The following SERHL2 variants were observed in gnomAD, a reference collection of about 807,000 sequenced individuals.
SERHL2 encodes the protein serine hydrolase-like protein 2.
Under a neutral mutation model 25.5 loss-of-function variants are expected in SERHL2, and 29 were observed. The observed-to-expected ratio is 1.14, with a 90% CI of 0.85 to 1.55. SERHL2 has a LOEUF of 1.55. SERHL2 is among the 40% of genes most tolerant of loss of function. SERHL2 has a pLI of 0.00. For missense variants in SERHL2, 240 were observed against 252.3 expected (o/e 0.95, Z 0.33); for synonymous variants, 95 against 103.5 (o/e 0.92, Z 0.50).
rs561904146 is a variant in SERHL2, at chr22:42,572,446, G to A, written c.742G>A (p.Gly248Arg). ...CTCCTCACTTTCCAGAGCAGTCCAC[G>A]GATATTTTGATTCAAGACAGAATTA... The part of the protein sequence containing the change: ...AHVLLIKAVH[G>R]YFDSRQNYSE... Residue 248 changes from glycine to arginine, a missense_variant, in exon 11 of 12, where the codon GGA (glycine) becomes AGA (arginine). This residue lies in a region of SERHL2 where 212 missense variants were observed against 168.9 expected (regional missense o/e 1.25). Coordinates refer to ENST00000327678, the MANE Select transcript of SERHL2 (RefSeq NM_014509.5). 52 of 1,610,114 alleles carry A rather than the reference G, an allele frequency of 3.2e-5. No individual in the cohort carries two copies. The highest frequency in any genetic ancestry group is 1.7e-4 in the Middle Eastern group (1 of 6,054).
chr22:42,573,866 A>G lies in SERHL2; in HGVS notation c.826-70A>G, dbSNP rs552266342. 8.7e-6 allele frequency: 13 copies of G among 1,496,242 alleles called. No homozygotes were observed. The East Asian group carries it at 3.0e-4, about 35-fold the overall frequency. The allele number at this position is 1,496,242 out of a possible 1,614,324, so 92.7% of individuals were successfully genotyped here. ...GCTGGAATGCTGTGGGAGGGCCCTG[A>G]CCCCGGGGCCCATGGAGCTCCCTAG... On this transcript the variant is annotated intron_variant, in intron 11 of 11. Transcript: ENST00000327678.
rs1476636791 is a variant in SERHL2, at chr22:42,568,463, G to A, written c.648+2125G>A. ...TTATTGCCAGATCCTAGTCAATCTG[G>A]CTTTTGGAGATGCCCCCTTCCCTGT... On this transcript the variant is annotated intron_variant, in intron 9 of 11. Transcript: ENST00000327678. 3.6e-4 allele frequency among the ~76,000 whole-genome samples: 54 copies of A among 151,888 alleles called. 1 individual carries two copies. Among genetic ancestry groups the A allele is most frequent in the East Asian group, 1.2e-3 (6 of 5,188 alleles).
chr22:42,563,061 G>A (rs570002448), intron 8 of SERHL2, among the ~76,000 whole-genome samples: 1 of 152,010 alleles, frequency 6.6e-6, no homozygotes, highest in Admixed American at 6.5e-5. Flanking sequence ...ACGGCATGGT[G>A]GCACACCTGT....
chr22:42,566,470 A>G (rs954054470), intron 9 of SERHL2, 132 bp downstream of exon 9: 4 of 804,898 alleles, frequency 5.0e-6, no homozygotes, highest in African/African-American at 1.7e-5. Flanking sequence ...AGGCAGGACA[A>G]TCGCTTGAAT....
At chr22:42,571,322 G>A (rs6002798) in intron 10 of SERHL2, 119 bp downstream of exon 10, 19,487 of 1,487,320 alleles carry the variant, frequency 0.013, 486 homozygotes, top group African/African-American at 0.045. Flanking sequence ...CATCGCTAAG[G>A]CTCAAGATCT....
chr22:42,573,419 A>AT (rs1335021908), intron 11 of SERHL2: 2 of 151,992 alleles, frequency 1.3e-5, no homozygotes, highest in African/African-American at 4.9e-5. Flanking sequence ...AATTTTTTGT[A>AT]TTTTTAGTAG....
chr22:42,565,112 T>A (rs983380323), intron 8 of SERHL2: 3 of 152,530 alleles, frequency 2.0e-5, no homozygotes, highest in African/African-American at 7.3e-5. Flanking sequence ...TGTTTGGAGG[T>A]TCTAGCAGGG....
intron 8 of SERHL2, among the ~76,000 whole-genome samples, chr22:42,561,295 C>T (rs927255405): frequency 6.6e-6 from 1 of 151,912 alleles, no homozygotes; most frequent in African/African-American, 2.4e-5. Flanking sequence ...GGCAACACAA[C>T]TTTGCTTCCT....
chr22:42,566,133 G>C (rs1208106526), intron 8 of SERHL2, among the ~76,000 whole-genome samples, 171 bp from the exon 9 acceptor site: 5 of 152,066 alleles, frequency 3.3e-5, no homozygotes, highest in African/African-American at 9.7e-5. Context: ...GTCTAGCCCT[G>C]CTCCAGCTGG....
intron 11 of SERHL2, 69 bp from the exon 12 acceptor site, chr22:42,573,867 C>T (rs1924621311): frequency 2.0e-6 from 3 of 1,511,704 alleles, no homozygotes; most frequent in Non-Finnish European, 2.7e-6. Context: ...AGGGCCCTGA[C>T]CCCGGGGCCC....
chr22:42,569,687 T>G (rs1394000681), intron 9 of SERHL2: 3 of 151,864 alleles, frequency 2.0e-5, no homozygotes, highest in Admixed American at 2.0e-4. Flanking sequence ...AGCTGACATA[T>G]GAGAACACGC....
At chr22:42,567,376 A>AT (rs1203068750) in intron 9 of SERHL2, among the ~76,000 whole-genome samples, 1 of 151,642 alleles carries the variant, frequency 6.6e-6, no homozygotes, top group African/African-American at 2.4e-5. Flanking sequence ...TAAAAGTTCG[A>AT]TTTTTCGGCC....
At chr22:42,570,703 A>C (rs2088212764) in intron 9 of SERHL2, among the ~76,000 whole-genome samples, 1 of 152,178 alleles carries the variant, frequency 6.6e-6, no homozygotes, top group African/African-American at 2.4e-5. Flanking sequence ...CCTCCTGGCA[A>C]GAAGCCTGTC....
intron 8 of SERHL2, among the ~76,000 whole-genome samples, chr22:42,565,861 T>C (rs1171902803): frequency 6.6e-6 from 1 of 151,802 alleles, no homozygotes; most frequent in Admixed American, 6.6e-5. Flanking sequence ...GTGGTTTTTG[T>C]TTGATTTTTT....
At chr22:42,563,419 G>C (rs915663853) in intron 8 of SERHL2, 1 of 441,856 alleles carries the variant, frequency 2.3e-6, no homozygotes, top group South Asian at 1.6e-5. Context: ...GCCCAGGCTG[G>C]TCTCGAACTC....
At position 42,560,273 on chromosome 22, in the gene SERHL2, ACT is replaced by A. The variant is rs1922523744; in HGVS notation, c.613+11_613+12del. On this transcript the variant is annotated intron_variant, in intron 8 of 11. Transcript: ENST00000327678. ...CCACGAAGGTGGCCACAGGTAAGGGACTCTACTGTCCAAGGCCATTTTATATT... is the reference window on the plus strand; with the variant it reads ...CCACGAAGGTGGCCACAGGTAAGGGACTACTGTCCAAGGCCATTTTATATT... 6.3e-7 allele frequency: 1 copy of A among 1,596,018 alleles called. No individual in the cohort carries two copies. The highest frequency in any genetic ancestry group is 2.2e-5 in the East Asian group (1 of 44,844).
At chr22:42,554,279 G>C (rs1921961724) in intron 1 of SERHL2, among the ~76,000 whole-genome samples, 1 of 152,144 alleles carries the variant, frequency 6.6e-6, no homozygotes, top group Non-Finnish European at 1.5e-5. Context: ...CCGAGCGTGC[G>C]CGTGGGTGTC....
At chr22:42,560,354 C>T in intron 8 of SERHL2, 89 bp downstream of exon 8, 1 of 963,598 alleles carries the variant, frequency 1.0e-6, no homozygotes, top group Non-Finnish European at 1.7e-6. Flanking sequence ...AGGCAGGATA[C>T]TAAGCGCTTT....
At chr22:42,560,123 C>A in intron 7 of SERHL2, 63 bp from the exon 8 acceptor site, 2 of 1,332,632 alleles carry the variant, frequency 1.5e-6, no homozygotes, top group Non-Finnish European at 2.2e-6. Context: ...CCCTCCTCTC[C>A]TTTTTATCTG....
Sources: gnomAD v4.1 joint callset for allele counts (sites outside exome capture counted in the v4.1 genomes callset) on GRCh38, gnomAD v4.1.1 for gene constraint, gnomAD v4.1.1 regional missense constraint, MANE v1.5 for transcripts, NCBI Gene and HGNC (gene_info 2026-07-23, HGNC 2026-07-21) for gene names.